NEBL: variants seen among roughly 807,000 people sequenced by gnomAD.
NEBL encodes LIM and SH3 protein 2.
A neutral mutation model predicts 140.2 loss-of-function variants in NEBL; 122 were observed. That is an observed-to-expected ratio of 0.87 (90% CI 0.75 to 1.01). NEBL has a LOEUF of 1.01. Ranked by LOEUF, NEBL falls within the 50% of genes least tolerant of loss-of-function variation. The probability of loss-of-function intolerance (pLI) is 0.00; values close to 1 mark genes in which losing one functional copy is unlikely to be tolerated. For missense variants in NEBL, 1,365 were observed against 1,231.3 expected (o/e 1.11, Z -1.62); for synonymous variants, 436 against 398.9 (o/e 1.09, Z -1.11).
At chr10:20,954,698 G>A (rs534036313) in intron 4 of NEBL, among the ~76,000 whole-genome samples, 1 of 152,252 alleles carries the variant, frequency 6.6e-6, no homozygotes, top group African/African-American at 2.4e-5. Flanking sequence ...GGAAGAGGAG[G>A]GGGCCTGGCT....
intron 3 of NEBL, among the ~76,000 whole-genome samples, chr10:20,967,223 T>C (rs1237040159): frequency 2.6e-5 from 4 of 151,962 alleles, no homozygotes; most frequent in Non-Finnish European, 2.9e-5. Context: ...TCCATCCACA[T>C]GAGAATGAAT....
At chr10:21,059,704 A>C (rs1216150776) in intron 2 of NEBL, among the ~76,000 whole-genome samples, 1 of 152,226 alleles carries the variant, frequency 6.6e-6, no homozygotes, top group Non-Finnish European at 1.5e-5. Flanking sequence ...CCATTGTCTC[A>C]ACTTTTTTCA....
rs151012132 is a variant in NEBL at position 20,808,627 on chromosome 10, G to C, written c.2644C>G (p.Arg882Gly). 6.2e-7 allele frequency: 1 copy of C among 1,613,352 alleles called. No homozygotes were observed. The highest frequency in any genetic ancestry group is 2.2e-5 in the East Asian group (1 of 44,848). The change falls in exon 26 of 28, where the codon CGA becomes GGA. Residue 882 changes from arginine (R) to glycine (G), a missense_variant. Physicochemically the swap from Arg to Gly is moderately radical, Grantham distance 125. Coordinates refer to ENST00000377122, the MANE Select transcript of NEBL (RefSeq NM_006393.3). ...KASHYRRHWSRSHSSSTFGTG... is the reference protein window; with the variant it reads ...KASHYRRHWSGSHSSSTFGTG... ...CCGAAAGTACTGCTGGAATGGGATC[G>C]AGACCAGTGTCGCCTATAGTGACTC...
chr10:21,274,100 G>A (rs1842890334), intron 1 of NEBL, among the ~76,000 whole-genome samples: 1 of 152,180 alleles, frequency 6.6e-6, no homozygotes, highest in South Asian at 2.1e-4. Context: ...TTTGTGAGAA[G>A]ATTTTCTTGC....
At chr10:20,889,044 A>T (rs1304581138) in intron 3 of NEBL, among the ~76,000 whole-genome samples, 1 of 152,262 alleles carries the variant, frequency 6.6e-6, no homozygotes, top group Non-Finnish European at 1.5e-5. Context: ...TACTGATTTC[A>T]TTCAAAATTG....
At chr10:21,091,829 G>C (rs1396702141) in intron 2 of NEBL, among the ~76,000 whole-genome samples, 1 of 152,072 alleles carries the variant, frequency 6.6e-6, no homozygotes, top group African/African-American at 2.4e-5. Context: ...ATGGAGTCTT[G>C]CTATCTTACC....
intron 11 of NEBL, among the ~76,000 whole-genome samples, chr10:20,847,496 C>T (rs1019927371): frequency 1.8e-4 from 27 of 152,220 alleles, no homozygotes; most frequent in African/African-American, 5.5e-4. Flanking sequence ...TTATAAGTTT[C>T]TGGATTTATC....
At chr10:20,967,206 C>G (rs939557555) in intron 3 of NEBL, among the ~76,000 whole-genome samples, 1 of 151,782 alleles carries the variant, frequency 6.6e-6, no homozygotes, top group Non-Finnish European at 1.5e-5. Flanking sequence ...AGGAAACAAC[C>G]TAAATATCCA....
At chr10:21,134,830 C>G (rs1839276277) in intron 2 of NEBL, among the ~76,000 whole-genome samples, 1 of 152,200 alleles carries the variant, frequency 6.6e-6, no homozygotes, top group African/African-American at 2.4e-5. Flanking sequence ...GAACATTGTT[C>G]TCTTCCCCTG....
chr10:20,796,725 G>A (rs1836581386), intron 26 of NEBL, among the ~76,000 whole-genome samples: 1 of 151,958 alleles, frequency 6.6e-6, no homozygotes, highest in South Asian at 2.1e-4. Context: ...TTTTCCCTCA[G>A]ATTTGTTTCT....
chr10:21,195,630 A>T (rs1289863205), intron 3 of NEBL, among the ~76,000 whole-genome samples: 2 of 152,062 alleles, frequency 1.3e-5, no homozygotes, highest in African/African-American at 4.8e-5. Flanking sequence ...ACTCATCTTC[A>T]CTGTTTTTAT....
At chr10:21,078,533 ATCT>A (rs1221309877) in intron 2 of NEBL, among the ~76,000 whole-genome samples, 2 of 152,188 alleles carry the variant, frequency 1.3e-5, no homozygotes, top group East Asian at 1.9e-4. Context: ...CACTTTGGAA[ATCT>A]TCTTGAATCC....
At chr10:20,854,128 T>C in intron 9 of NEBL, among the ~76,000 whole-genome samples, 1 of 152,160 alleles carries the variant, frequency 6.6e-6, no homozygotes, top group South Asian at 2.1e-4. Context: ...GGAAAAGACC[T>C]TTAGTAGTAA....
chr10:21,175,873 G>T (rs966473456), upstream of NEBL, among the ~76,000 whole-genome samples: 3 of 152,174 alleles, frequency 2.0e-5, no homozygotes, highest in African/African-American at 7.2e-5. Context: ...ATGAAATATA[G>T]TTTGAATATC....
chr10:21,252,694 A>T (rs973314668), intron 1 of NEBL, among the ~76,000 whole-genome samples: 2 of 152,150 alleles, frequency 1.3e-5, no homozygotes, highest in Non-Finnish European at 2.9e-5. Context: ...GGTAGCTCAC[A>T]CCTGTAATCC....
At chr10:20,943,506 G>A (rs1835003448) in intron 4 of NEBL, among the ~76,000 whole-genome samples, 1 of 152,108 alleles carries the variant, frequency 6.6e-6, no homozygotes, top group South Asian at 2.1e-4. Context: ...GAGTTAATGG[G>A]TGCAGCACAC....
intron 2 of NEBL, among the ~76,000 whole-genome samples, chr10:21,097,383 C>T (rs143987423): frequency 0.016 from 2,470 of 151,642 alleles, 76 homozygotes; most frequent in African/African-American, 0.056. Flanking sequence ...CACTTGAACC[C>T]GGGAGGTGGA....
In NEBL at chr10:21,084,022, C is replaced by A. The variant is rs183370913; in HGVS notation, c.165-63821G>T. Among the ~76,000 whole-genome samples, 4 of 152,268 alleles carry A rather than the reference C, an allele frequency of 2.6e-5. No individual in the cohort carries two copies. The East Asian group carries it at 7.7e-4, about 29-fold the overall frequency. The stretch of plus-strand genomic sequence containing the variant: ...TACAATTGTCATCTTGGGAAAAAAA[C>A]CCTAGTATAAATAACCTGAATTTCC... On this transcript the variant is annotated intron_variant, in intron 2 of 6. Coordinates refer to the NEBL transcript ENST00000417816.
At chr10:21,244,039 T>C (rs547462136) in intron 3 of NEBL, among the ~76,000 whole-genome samples, 1 of 152,156 alleles carries the variant, frequency 6.6e-6, no homozygotes, top group East Asian at 1.9e-4. Context: ...TTTATCAAGA[T>C]GTGATTTATT....
Sources: allele counts gnomAD v4.1 joint callset (sites outside exome capture counted in the v4.1 genomes callset), GRCh38; gene constraint gnomAD v4.1.1; transcripts MANE v1.5; gene names NCBI Gene and HGNC (gene_info 2026-07-23, HGNC 2026-07-21).